Variants in MVB12A observed in about 807,000 individuals in gnomAD.
The protein encoded by MVB12A is CIN85/CD2AP family binding protein.
MVB12A carries 30 observed loss-of-function variants against 34.3 expected under a neutral mutation model. The observed-to-expected ratio is 0.88, with a 90% confidence interval of 0.65 to 1.19. The LOEUF (loss-of-function observed/expected upper bound fraction) is 1.19. Ranked by LOEUF, MVB12A falls within the 50% of genes most tolerant of loss-of-function variation. The probability of loss-of-function intolerance (pLI) is 0.00; values close to 1 mark genes in which losing one functional copy is unlikely to be tolerated. For missense variants in MVB12A, 355 were observed against 369.2 expected (o/e 0.96, Z 0.31); for synonymous variants, 158 against 158.9 (o/e 0.99, Z 0.04).
Position 17,425,053 on chromosome 19 carries a change from C to G in MVB12A, c.*60C>G, listed in dbSNP as rs895174243. ...CCACCTCCCCGCCAGCCTGGGGCCA[C>G]CCCCCCTCACTGCATCCTGGGGCCA... On this transcript the variant is annotated 3_prime_UTR_variant, in exon 9 of 9. Transcript: ENST00000317040. The G allele has an allele frequency of 3.2e-4, 262 of 813,162 alleles. No homozygotes were observed. The highest frequency in any genetic ancestry group is 5.0e-4 in the Non-Finnish European group (252 of 506,074). The allele number at this position is 813,162 out of a possible 1,614,324, so 50.4% of individuals were successfully genotyped here.
In MVB12A at chr19:17,420,350, G is replaced by T; in HGVS notation, c.128G>T (p.Gly43Val). 6.2e-7 allele frequency: 1 copy of T among 1,613,342 alleles called. No homozygotes were observed. Among genetic ancestry groups the T allele is most frequent in the Non-Finnish European group, 8.5e-7 (1 of 1,179,724 alleles). The stretch of plus-strand genomic sequence containing the variant: ...GTCGAGGGGGCACCCGCCAGCTTTG[G>T]CAAGAGCTTCGCGCAGAAATCTGGC... ...CTVEGAPASF[G>V]KSFAQKSGYF... Residue 43 changes from glycine to valine, a missense_variant, in exon 2 of 9, where the codon GGC becomes GTC. Coordinates refer to ENST00000317040, the MANE Select transcript of MVB12A (RefSeq NM_138401.4).
intron 2 of MVB12A, chr19:17,414,269 A>C (rs1308651318): frequency 7.0e-6 from 1 of 143,114 alleles, no homozygotes; most frequent in Admixed American, 7.0e-5. Flanking sequence ...CTACAGAACA[A>C]GACTCTGTCT....
chr19:17,418,553 T>C (rs999868090), upstream of MVB12A, among the ~76,000 whole-genome samples: 10 of 151,484 alleles, frequency 6.6e-5, no homozygotes, highest in South Asian at 1.0e-3. Flanking sequence ...CCACCACGCC[T>C]GGATAGTTTT....
upstream of MVB12A, among the ~76,000 whole-genome samples, chr19:17,416,697 T>C (rs1391952861): frequency 1.0e-4 from 15 of 147,836 alleles, no homozygotes; most frequent in Non-Finnish European, 2.1e-4. Flanking sequence ...GGGGTGACAC[T>C]GTGCCTGGTC....
chr19:17,412,522 C>T (rs146370284), intron 2 of MVB12A, among the ~76,000 whole-genome samples: 238 of 152,312 alleles, frequency 1.6e-3, no homozygotes, highest in African/African-American at 5.5e-3. Context: ...CCGCCTCAGC[C>T]TCCCAAAGTG....
intron 3 of MVB12A, chr19:17,422,057 C>T: frequency 3.3e-6 from 1 of 301,442 alleles, no homozygotes; most frequent in Middle Eastern, 9.4e-4. Flanking sequence ...CCACGATGGG[C>T]ACCCAGCTCT....
At position 17,420,293 on chromosome 19, in the gene MVB12A, G is replaced by C. The variant is rs747621670; in HGVS notation, c.91-20G>C. The C allele has an allele frequency of 1.9e-6, 3 of 1,579,112 alleles. No individual in the cohort carries two copies. Among genetic ancestry groups the C allele is most frequent in the Non-Finnish European group, 2.6e-6 (3 of 1,161,802 alleles). ...CGCTGTGGGGTGGGAGTCCGGCGCT[G>C]ACCCGCGTCCTCCCGGTAGATCTCC... On this transcript the variant is annotated intron_variant, in intron 1 of 8. Transcript: ENST00000317040.
chr19:17,424,788 C>A, intron 8 of MVB12A, 111 bp downstream of exon 8: 1 of 1,433,822 alleles, frequency 7.0e-7, no homozygotes, highest in Non-Finnish European at 9.5e-7. Flanking sequence ...CCCATCCCCG[C>A]TTTGCCCCAG....
upstream of MVB12A, chr19:17,418,008 T>G (rs2074812415): frequency 6.0e-6 from 1 of 165,954 alleles, no homozygotes; most frequent in African/African-American, 2.4e-5. Context: ...GCGATTCTCC[T>G]GCCTCAGGCT....
chr19:17,419,889 C>CTT (rs36088655), upstream of MVB12A: 1,400 of 373,430 alleles, frequency 3.7e-3, 6 homozygotes, highest in Middle Eastern at 6.2e-3. Context: ...CCGGCAAGAC[C>CTT]TTTTTTTCCG....
upstream of MVB12A, chr19:17,417,212 G>GTTTTTTT (rs2074805786): frequency 1.7e-5 from 1 of 59,130 alleles, no homozygotes; most frequent in Non-Finnish European, 3.4e-5. Context: ...CTCACCCAGA[G>GTTTTTTT]CTTTTTTTTT....
intron 2 of MVB12A, among the ~76,000 whole-genome samples, chr19:17,408,476 C>A (rs1392144525): frequency 6.7e-6 from 1 of 150,228 alleles, no homozygotes; most frequent in South Asian, 2.1e-4. Context: ...GATGGAGTCT[C>A]GCTCTTGTTG....
chr19:17,420,573 C>G lies in MVB12A; in HGVS notation c.225C>G (p.Ile75Met). 6.2e-7 allele frequency: 1 copy of G among 1,614,022 alleles called. No individual in the cohort carries two copies. Among genetic ancestry groups the G allele is most frequent in the Non-Finnish European group, 8.5e-7 (1 of 1,179,928 alleles). ...AGAACGTGGTGGCCGATATCCAGAT[C>G]GTGGTGGACAAGAGCCCCCTGCCGC... ...PQENVVADIQ[I>M]VVDKSPLPLG... Residue 75 changes from isoleucine (I) to methionine (M), a missense_variant, in exon 3 of 9, where the codon ATC (isoleucine) becomes ATG (methionine). Physicochemically the swap from Ile to Met is conservative, Grantham distance 10. Coordinates refer to ENST00000317040, the MANE Select transcript of MVB12A (RefSeq NM_138401.4).
At chr19:17,408,325 G>A (rs1477585112) in intron 2 of MVB12A, among the ~76,000 whole-genome samples, 2 of 151,666 alleles carry the variant, frequency 1.3e-5, no homozygotes, top group African/African-American at 4.8e-5. Flanking sequence ...AAGATTGCTT[G>A]AGGCCAGTAG....
intron 8 of MVB12A, 111 bp from the exon 9 acceptor site, chr19:17,424,820 C>A: frequency 7.8e-7 from 1 of 1,277,310 alleles, no homozygotes; most frequent in Non-Finnish European, 1.1e-6. Context: ...CTCTCCAGGG[C>A]AGAAGACCAC....
chr19:17,408,829 C>CATT (rs778229629), intron 2 of MVB12A, among the ~76,000 whole-genome samples: 1 of 120,708 alleles, frequency 8.3e-6, no homozygotes, highest in Non-Finnish European at 1.6e-5. Context: ...TCTGCCATTA[C>CATT]TTTTTTTTTT....
intron 3 of MVB12A, 50 bp from the exon 4 acceptor site, chr19:17,422,282 C>T: frequency 1.3e-6 from 2 of 1,569,958 alleles, no homozygotes; most frequent in Non-Finnish European, 1.7e-6. Context: ...TTTGGGCCTT[C>T]CCACCCCTGC....
upstream of MVB12A, chr19:17,417,160 G>T: frequency 4.4e-6 from 1 of 225,136 alleles, no homozygotes. Context: ...CCGCCTTAGT[G>T]ACGTCAACCT....
At chr19:17,406,682 C>T (rs1176082051) in intron 2 of MVB12A, among the ~76,000 whole-genome samples, 1 of 152,116 alleles carries the variant, frequency 6.6e-6, no homozygotes. Flanking sequence ...TGGTACATGC[C>T]TGTGGTCCCA....
Sources: allele counts gnomAD v4.1 joint callset (sites outside exome capture counted in the v4.1 genomes callset), GRCh38; gene constraint gnomAD v4.1.1; transcripts MANE v1.5; gene names NCBI Gene and HGNC (gene_info 2026-07-23, HGNC 2026-07-21).